PRDM16: variants seen among roughly 807,000 people sequenced by gnomAD.
PRDM16 encodes histone-lysine N-methyltransferase PRDM16.
Under a neutral mutation model 110.6 loss-of-function variants are expected in PRDM16, and 23 were observed. That is an observed-to-expected ratio of 0.21 (90% CI 0.15 to 0.29). The LOEUF (loss-of-function observed/expected upper bound fraction) is 0.29, where lower values mean the gene tolerates loss of function less well. PRDM16 is among the 10% of genes least tolerant of loss of function. PRDM16 has a pLI of 1.00. For missense variants in PRDM16, 1,615 were observed against 1,794.3 expected (o/e 0.90, Z 1.81); for synonymous variants, 799 against 781.8 (o/e 1.02, Z -0.37).
intron 1 of PRDM16, among the ~76,000 whole-genome samples, chr1:3,141,446 C>T (rs1013613333): frequency 5.3e-5 from 8 of 152,314 alleles, no homozygotes; most frequent in East Asian, 1.9e-4. Context: ...GAACAAATGG[C>T]GCAGAGATCA....
chr1:3,404,665 CTGTATGGT>C, intron 6 of PRDM16, 66 bp from the exon 7 acceptor site: 1 of 1,579,026 alleles, frequency 6.3e-7, no homozygotes, highest in South Asian at 1.1e-5. Flanking sequence ...TGGGAACAAG[CTGTATGGT>C]TGGGGTCCCC....
intron 1 of PRDM16, among the ~76,000 whole-genome samples, chr1:3,098,512 T>C (rs1384616804): frequency 6.6e-6 from 1 of 152,190 alleles, no homozygotes; most frequent in Non-Finnish European, 1.5e-5. Flanking sequence ...GGGACATCCC[T>C]GCAGCCAGAG....
chr1:3,323,565 C>T (rs776261885), intron 3 of PRDM16, among the ~76,000 whole-genome samples: 3 of 152,216 alleles, frequency 2.0e-5, no homozygotes, highest in Non-Finnish European at 2.9e-5. Flanking sequence ...TCAGGGGCCC[C>T]GCCAGCTGCC....
At chr1:3,199,421 G>A (rs1365975765) in intron 2 of PRDM16, among the ~76,000 whole-genome samples, 2 of 152,214 alleles carry the variant, frequency 1.3e-5, no homozygotes, top group Non-Finnish European at 2.9e-5. Flanking sequence ...GCTCTGCTGA[G>A]CTTCTTGGTA....
At chr1:3,253,046 G>A (rs1237690854) in intron 3 of PRDM16, among the ~76,000 whole-genome samples, 1 of 152,072 alleles carries the variant, frequency 6.6e-6, no homozygotes, top group Non-Finnish European at 1.5e-5. Context: ...TGCTGCGCTT[G>A]TCACCCTCGC....
chr1:3,426,262 C>T, intron 14 of PRDM16, 37 bp downstream of exon 14: 1 of 1,591,362 alleles, frequency 6.3e-7, no homozygotes, highest in Non-Finnish European at 8.6e-7. Context: ...AAGTCTGGAC[C>T]CGGCCAACAG....
chr1:3,131,379 T>C (rs1211959129), intron 1 of PRDM16, among the ~76,000 whole-genome samples: 1 of 152,210 alleles, frequency 6.6e-6, no homozygotes, highest in African/African-American at 2.4e-5. Context: ...AACCTTTAAT[T>C]CTTCCTGTGA....
In PRDM16 at chr1:3,223,923, C is replaced by T. The variant is rs142754072; in HGVS notation, c.388-20164C>T. Among the ~76,000 whole-genome samples the T allele has an allele frequency of 1.6e-4, 25 of 152,342 alleles. No homozygotes were observed. In the East Asian group the frequency reaches 4.4e-3, roughly 27 times the overall value. On this transcript the variant is annotated intron_variant, in intron 2 of 16. Transcript: ENST00000270722. Reference sequence around the variant, plus strand: ...AACGAGGAAGACAGTTTTCCAACCCCATCTGAGGCGTCTCCTCCTTTTACA... The same window carrying T: ...AACGAGGAAGACAGTTTTCCAACCCTATCTGAGGCGTCTCCTCCTTTTACA...
intron 1 of PRDM16, among the ~76,000 whole-genome samples, chr1:3,182,830 T>G (rs896862446): frequency 6.6e-6 from 1 of 152,162 alleles, no homozygotes; most frequent in African/African-American, 2.4e-5. Context: ...AACTGGCAGA[T>G]CGGGAGGTGC....
At chr1:3,397,023 C>T (rs1643396681) in intron 5 of PRDM16, among the ~76,000 whole-genome samples, 1 of 152,180 alleles carries the variant, frequency 6.6e-6, no homozygotes, top group Admixed American at 6.5e-5. Context: ...CAAACAAACA[C>T]CAAGCCAGTT....
chr1:3,084,806 C>T (rs537154868), intron 1 of PRDM16, among the ~76,000 whole-genome samples: 19 of 152,336 alleles, frequency 1.2e-4, no homozygotes, highest in African/African-American at 3.6e-4. Context: ...GGATCACAAA[C>T]GCTGAGCCCT....
chr1:3,386,006 G>T (rs527638592), intron 4 of PRDM16, among the ~76,000 whole-genome samples: 6 of 152,310 alleles, frequency 3.9e-5, no homozygotes, highest in African/African-American at 1.4e-4. Context: ...AGAAGGCACC[G>T]TGTCCCCAGA....
At chr1:3,198,356 G>A (rs984706894) in intron 2 of PRDM16, among the ~76,000 whole-genome samples, 8 of 152,260 alleles carry the variant, frequency 5.3e-5, no homozygotes, top group East Asian at 1.9e-4. Flanking sequence ...TTTGTTCTGC[G>A]TGGCCTTGGC....
At position 3,074,175 on chromosome 1, in the gene PRDM16, G is replaced by A. The variant is rs1009145207; in HGVS notation, c.37+4879G>A. ...GGCCGGGCTCCCTAGTGCACTTGGG[G>A]GACAGGACACCTCCTCCCTTCACTG... On this transcript the variant is annotated intron_variant, in intron 1 of 16. Coordinates refer to ENST00000270722, the MANE Select transcript of PRDM16 (RefSeq NM_022114.4). Among the ~76,000 whole-genome samples, 4 of 152,208 alleles carry A rather than the reference G, an allele frequency of 2.6e-5. No homozygotes were observed. The South Asian group carries it at 6.2e-4, about 24-fold the overall frequency.
intron 1 of PRDM16, among the ~76,000 whole-genome samples, chr1:3,124,730 C>T (rs534333347): frequency 6.6e-6 from 1 of 152,318 alleles, no homozygotes. Flanking sequence ...GACAGCCCCT[C>T]GAAGCCCCCC....
At chr1:3,097,047 C>G (rs548465338) in intron 1 of PRDM16, among the ~76,000 whole-genome samples, 6 of 152,060 alleles carry the variant, frequency 3.9e-5, no homozygotes, top group East Asian at 1.9e-4. Context: ...TGCGTGTGCT[C>G]CTGGGGGACC....
chr1:3,377,549 T>C lies in PRDM16; in HGVS notation c.439-7603T>C, dbSNP rs375874553. Reference sequence around the variant, plus strand: ...TTTCTGATGGGGTTGATTTATGAGCTGGGGGAGCTGCCCGGCGCCGGGGAG... The same window carrying C: ...TTTCTGATGGGGTTGATTTATGAGCCGGGGGAGCTGCCCGGCGCCGGGGAG... On this transcript the variant is annotated intron_variant, in intron 3 of 16. Transcript: ENST00000270722. 4.1e-3 allele frequency among the ~76,000 whole-genome samples: 622 copies of C among 152,256 alleles called. 6 individuals are homozygous for C. In the South Asian group the frequency reaches 0.044, roughly 11 times the overall value.
At chr1:3,141,556 C>G (rs757986301) in intron 1 of PRDM16, among the ~76,000 whole-genome samples, 1 of 152,232 alleles carries the variant, frequency 6.6e-6, no homozygotes, top group African/African-American at 2.4e-5. Context: ...TATCAAAGCC[C>G]GGCCAGGCCT....
intron 1 of PRDM16, among the ~76,000 whole-genome samples, chr1:3,087,275 T>C (rs1442313911): frequency 1.8e-5 from 2 of 109,218 alleles, no homozygotes; most frequent in African/African-American, 7.4e-5. Flanking sequence ...CAGCCCCACC[T>C]GAGGCCAGCC....
Sources: allele counts gnomAD v4.1 joint callset (sites outside exome capture counted in the v4.1 genomes callset), GRCh38; gene constraint gnomAD v4.1.1; transcripts MANE v1.5; gene names NCBI Gene and HGNC (gene_info 2026-07-23, HGNC 2026-07-21).